Variants in RACK1 observed in about 807,000 individuals in gnomAD.
The protein encoded by RACK1 is small ribosomal subunit protein RACK1.
In RACK1, 3 loss-of-function variants were observed where a neutral mutation model predicts 42.2. That is an observed-to-expected ratio of 0.07 (90% CI 0.03 to 0.18). The LOEUF (loss-of-function observed/expected upper bound fraction) is 0.18, where lower values mean the gene tolerates loss of function less well. Among genes scored for constraint, RACK1 ranks in the 10% least tolerant of loss-of-function variants. RACK1 has a pLI of 1.00. For missense variants in RACK1, 146 were observed against 403.2 expected, an observed-to-expected ratio of 0.36 and a Z score of 5.46; for synonymous variants, 181 against 154.8, an observed-to-expected ratio of 1.17 and a Z score of -1.25.
chr5:181,242,059 T>C, intron 2 of RACK1, 115 bp downstream of exon 2: 1 of 937,526 alleles, frequency 1.1e-6, no homozygotes. Context: ...AGGTGTGCTC[T>C]GCTTTCCAGT....
intron 1 of RACK1, 192 bp downstream of exon 1, chr5:181,243,500 A>G (rs1183943217): frequency 5.6e-6 from 8 of 1,433,884 alleles, no homozygotes; most frequent in Non-Finnish European, 6.5e-6. Context: ...TCTCATCTGC[A>G]ATGTGGTTCG....
In RACK1 at chr5:181,237,666, G is replaced by C; in HGVS notation, c.831C>G (p.Thr277=). ...VDELKQEVIS[T]SSKAEPPQCT... is the part of the protein sequence containing the mutation. The stretch of plus-strand genomic sequence containing the variant: ...ACTGGGGTGGTTCTGCCTTGCTGCT[G>C]GTACTGATAACTTCTTGCTTCAGTT... The change falls in exon 7 of 8, where the codon ACC becomes ACG. Residue 277 remains threonine (T), a synonymous_variant. Coordinates refer to ENST00000512805, the MANE Select transcript of RACK1 (RefSeq NM_006098.5). 1 of 1,613,072 alleles carries C rather than the reference G, an allele frequency of 6.2e-7. No homozygotes were observed. The highest frequency in any genetic ancestry group is 8.5e-7 in the Non-Finnish European group (1 of 1,179,022).
At chr5:181,237,088 T>C in intron 7 of RACK1, 46 bp from the exon 8 acceptor site, 1 of 1,610,838 alleles carries the variant, frequency 6.2e-7, no homozygotes, top group Non-Finnish European at 8.5e-7. Context: ...GCATAAATTC[T>C]GCAGTCTCAC....
intron 1 of RACK1, chr5:181,242,719 A>G: frequency 5.6e-6 from 2 of 356,100 alleles, no homozygotes; most frequent in Non-Finnish European, 1.1e-5. Context: ...GGCACCTGCC[A>G]GCACGTCTGG....
chr5:181,240,244 A>G, intron 3 of RACK1: 1 of 167,548 alleles, frequency 6.0e-6, no homozygotes, highest in Non-Finnish European at 1.3e-5. Context: ...AGTCCCAGCG[A>G]CTCGGGAGGC....
rs1759384663 is a variant in RACK1, at chr5:181,242,562, C to G, written c.110-217G>C. 5 of 595,304 alleles carry G rather than the reference C, an allele frequency of 8.4e-6. 1 individual carries two copies. Among genetic ancestry groups the G allele is most frequent in the South Asian group, 8.4e-5 (5 of 59,660 alleles). The allele number at this position is 595,304 out of a possible 1,614,324, so 36.9% of individuals were successfully genotyped here. On this transcript the variant is annotated intron_variant, in intron 1 of 7. Transcript: ENST00000512805. Reference sequence around the variant, plus strand: ...GTAGAGGTAAACTGTACCCTGATAACTTTTTTTTTTCTTGAGATGGAGTCT... The same window carrying G: ...GTAGAGGTAAACTGTACCCTGATAAGTTTTTTTTTTCTTGAGATGGAGTCT...
Position 181,236,977 on chromosome 5 carries a change from C to T in RACK1, c.954G>A (p.Ter318=), listed in dbSNP as rs1561678358. ...RVWQVTIGTR[*] is the part of the protein sequence containing the mutation. ...ATTTGTAAAGCTCTGCCATAAACTT[C>T]TAGCGTGTGCCAATGGTCACCTGCC... Residue 318 remains the stop codon, a stop_retained_variant, in exon 8 of 8, where the codon TAG becomes TAA. Coordinates refer to ENST00000512805, the MANE Select transcript of RACK1 (RefSeq NM_006098.5). 5.0e-6 allele frequency: 8 copies of T among 1,612,664 alleles called. No homozygotes were observed. Among genetic ancestry groups the T allele is most frequent in the Middle Eastern group, 1.7e-4 (1 of 6,042 alleles).
chr5:181,242,264 T>C lies in RACK1; in HGVS notation c.191A>G (p.His64Arg). 1 of 1,613,910 alleles carries C rather than the reference T, an allele frequency of 6.2e-7. No homozygotes were observed. The highest frequency in any genetic ancestry group is 8.5e-7 in the Non-Finnish European group (1 of 1,179,772). The change falls in exon 2 of 8, where the codon CAC becomes CGC. Residue 64 changes from histidine to arginine, a missense_variant. His to Arg is a conservative substitution (Grantham distance 29). Coordinates refer to ENST00000512805, the MANE Select transcript of RACK1 (RefSeq NM_006098.5). ...IPQRALRGHS[H>R]FVSDVVISSD... is the part of the protein sequence containing the mutation. ...GGAGATAACCACATCACTAACAAAG[T>C]GGGAGTGACCCCGCAGAGCACGCTG...
intron 7 of RACK1, 103 bp downstream of exon 7, chr5:181,237,506 C>G: frequency 1.3e-6 from 1 of 743,648 alleles, no homozygotes; most frequent in South Asian, 1.5e-5. Flanking sequence ...TCACTTTATG[C>G]CAAGGACACT....
In RACK1 at chr5:181,242,055, G is replaced by A. The variant is rs767259927; in HGVS notation, c.281+119C>T. The A allele has an allele frequency of 1.7e-4, 153 of 889,598 alleles. 2 individuals are homozygous for A. Among genetic ancestry groups the A allele is most frequent in the Admixed American group, 3.7e-5 (2 of 54,496 alleles). The allele number at this position is 889,598 out of a possible 1,614,324, so 55.1% of individuals were successfully genotyped here. A position where few individuals can be genotyped will look rare whatever the true frequency, so the allele number is the denominator to read the frequency against. On this transcript the variant is annotated intron_variant, in intron 2 of 7. Coordinates refer to ENST00000512805, the MANE Select transcript of RACK1 (RefSeq NM_006098.5). ...GAGGCCAAACATCTTCTGTAGGTGT[G>A]CTCTGCTTTCCAGTTCCCAAATGGA...
chr5:181,242,355 G>A lies in RACK1; in HGVS notation c.110-10C>T. 6.2e-6 allele frequency: 10 copies of A among 1,600,102 alleles called. No individual in the cohort carries two copies. Among genetic ancestry groups the A allele is most frequent in the African/African-American group, 1.3e-5 (1 of 74,638 alleles). On this transcript the variant is annotated splice_polypyrimidine_tract_variant and intron_variant, in intron 1 of 7. Transcript: ENST00000512805. ...ATGATGATGGTCTTATCTAAAGGAG[G>A]TAAAACAGAAGAAAAATCAGTGAGG...
At chr5:181,237,121 T>C in intron 7 of RACK1, 79 bp from the exon 8 acceptor site, 2 of 1,593,718 alleles carry the variant, frequency 1.3e-6, no homozygotes, top group South Asian at 2.3e-5. Context: ...AAGTGGCTTT[T>C]TTTGAGATCC....
chr5:181,238,016 G>C (rs1759204854), intron 6 of RACK1, 83 bp downstream of exon 6: 2 of 1,456,652 alleles, frequency 1.4e-6, no homozygotes, highest in South Asian at 2.4e-5. Flanking sequence ...CCAGGTGGGA[G>C]TCAGATGGCA....
Position 181,239,191 on chromosome 5 carries a change from C to T in RACK1, c.526-14G>A, listed in dbSNP as rs79933748. ...CAGGTTCCATACCTGCATAGACGTG[C>T]GGTTGACAGGTGAACATCCTAGCTC... On this transcript the variant is annotated splice_polypyrimidine_tract_variant and intron_variant, in intron 4 of 7. Coordinates refer to ENST00000512805, the MANE Select transcript of RACK1 (RefSeq NM_006098.5). 1.1e-4 allele frequency: 175 copies of T among 1,545,796 alleles called. 1 individual carries two copies. Among genetic ancestry groups the T allele is most frequent in the Middle Eastern group, 5.0e-4 (3 of 5,960 alleles).
rs775006637 is a variant in RACK1, at chr5:181,238,955, C to T, written c.636+112G>A. 1.1e-5 allele frequency: 9 copies of T among 783,360 alleles called. No homozygotes were observed. In the South Asian group the frequency reaches 1.2e-4, roughly 11 times the overall value. 48.5% of individuals were successfully genotyped at this position (783,360 alleles called of 1,614,324 possible). ...CTCAGATTGCCATTATCTCATTATC[C>T]TCCTAAAACCATCTTGGCTAATGTT... On this transcript the variant is annotated intron_variant, in intron 5 of 7. Transcript: ENST00000512805.
chr5:181,237,575 A>T, intron 7 of RACK1, 34 bp downstream of exon 7: 1 of 1,059,136 alleles, frequency 9.4e-7, no homozygotes, highest in Non-Finnish European at 1.5e-6. Context: ...AATTAACTGG[A>T]AGCAGAATCA....
At chr5:181,237,262 G>T in intron 7 of RACK1, 1 of 870,724 alleles carries the variant, frequency 1.1e-6, no homozygotes, top group Non-Finnish European at 1.9e-6. Flanking sequence ...ACGCCGGGTA[G>T]ACTGTAAGAA....
rs774123881 is a variant in RACK1 at position 181,238,089 on chromosome 5, CCA to C, written c.777+8_777+9del. 11 of 1,613,926 alleles carry C rather than the reference CCA, an allele frequency of 6.8e-6. No homozygotes were observed. Among genetic ancestry groups the C allele is most frequent in the Non-Finnish European group, 9.3e-6 (11 of 1,179,938 alleles). The stretch of plus-strand genomic sequence containing the variant: ...AGCCAGGTACCCAGTCAATTGTAAC[CCA>C]CACTCACCCAGATCTTGATGCTGGG... On this transcript the variant is annotated splice_region_variant and intron_variant, in intron 6 of 7. Transcript: ENST00000512805.
At chr5:181,238,579 C>T (rs888397237) in intron 5 of RACK1, 3 of 336,964 alleles carry the variant, frequency 8.9e-6, no homozygotes, top group South Asian at 4.9e-5. Context: ...CCGAGGTGGG[C>T]GGATCACCTG....
Sources: gnomAD v4.1 joint callset for allele counts on GRCh38, gnomAD v4.1.1 for gene constraint, MANE v1.5 for transcripts, NCBI Gene and HGNC (gene_info 2026-07-23, HGNC 2026-07-21) for gene names.